EPC1: variants seen among roughly 807,000 people sequenced by gnomAD.
EPC1 encodes the protein enhancer of polycomb 1.
In EPC1, 12 loss-of-function variants were observed where a neutral mutation model predicts 98.4. That is an observed-to-expected ratio of 0.12 (90% CI 0.08 to 0.20). The LOEUF (loss-of-function observed/expected upper bound fraction) is 0.20. Among genes scored for constraint, EPC1 ranks in the 10% least tolerant of loss-of-function variants. EPC1 has a pLI of 1.00. For missense variants in EPC1, 729 were observed against 990.5 expected (o/e 0.74, Z 3.54); for synonymous variants, 357 against 363.9 (o/e 0.98, Z 0.21).
chr10:32,272,383 C>T (rs2132638760), intron 11 of EPC1: 1 of 479,658 alleles, frequency 2.1e-6, no homozygotes, highest in East Asian at 3.3e-5. Context: ...ATAAATTTTG[C>T]TTCATATGTG....
chr10:32,334,474 TCA>T (rs1837835653), intron 1 of EPC1, among the ~76,000 whole-genome samples: 4 of 135,166 alleles, frequency 3.0e-5, no homozygotes, highest in African/African-American at 5.6e-5. Context: ...AAAAAAAAAA[TCA>T]CACTTTATAC....
chr10:32,278,443 A>G (rs2986926), intron 10 of EPC1, among the ~76,000 whole-genome samples: 75,604 of 92,598 alleles, frequency 0.82, 30,856 homozygotes, highest in East Asian at 0.95. Flanking sequence ...GTGCAGTGGC[A>G]GGATCTCGGC....
At chr10:32,361,930 C>A (rs1839454488) in intron 1 of EPC1, among the ~76,000 whole-genome samples, 1 of 152,150 alleles carries the variant, frequency 6.6e-6, no homozygotes, top group Non-Finnish European at 1.5e-5. Flanking sequence ...CTAAAACCAT[C>A]AAAACCAAGA....
At chr10:32,324,327 G>A (rs1227311593) in intron 1 of EPC1, among the ~76,000 whole-genome samples, 2 of 150,868 alleles carry the variant, frequency 1.3e-5, no homozygotes, top group East Asian at 2.0e-4. Flanking sequence ...AGGCCAAGGC[G>A]GGTGGATCGC....
At position 32,346,984 on chromosome 10, in the gene EPC1, G is replaced by T. The variant is rs139607084; in HGVS notation, c.-69C>A. ...GGCCAGCGGGATCATGGAGAACCGG[G>T]GGTTCGGTCCCCACTCGCCAACCGC... On this transcript the variant is annotated 5_prime_UTR_variant, in exon 1 of 14. Transcript: ENST00000319778. 0.013 allele frequency: 21,294 copies of T among 1,584,126 alleles called. 186 individuals carry two copies. Among genetic ancestry groups the T allele is most frequent in the Middle Eastern group, 0.025 (133 of 5,382 alleles).
At chr10:32,316,101 T>C (rs1162310794) in intron 1 of EPC1, among the ~76,000 whole-genome samples, 1 of 152,216 alleles carries the variant, frequency 6.6e-6, no homozygotes, top group Non-Finnish European at 1.5e-5. Flanking sequence ...CCTCAAGTTT[T>C]TGTTTCAATG....
At chr10:32,274,981 T>G (rs1418546789) in intron 10 of EPC1, among the ~76,000 whole-genome samples, 1 of 152,244 alleles carries the variant, frequency 6.6e-6, no homozygotes, top group Admixed American at 6.5e-5. Context: ...TTTAATTTCC[T>G]AAGTTTGAGT....
At chr10:32,319,060 G>C (rs1441079011) in intron 1 of EPC1, among the ~76,000 whole-genome samples, 2 of 152,028 alleles carry the variant, frequency 1.3e-5, no homozygotes, top group Non-Finnish European at 2.9e-5. Context: ...ACATCTATAT[G>C]TACTGTTCCC....
chr10:32,271,726 G>A lies in EPC1; in HGVS notation c.2197C>T (p.Arg733Ter), dbSNP rs1218639286. The A allele has an allele frequency of 6.2e-7, 1 of 1,614,042 alleles. No individual in the cohort carries two copies. The highest frequency in any genetic ancestry group is 8.5e-7 in the Non-Finnish European group (1 of 1,180,040). ...TTQVLIGNNI[R>*]LTVPSSVATV... ...GCAACTGATGAAGGTACAGTTAATCGAATGTTGTTCCCAATCAGAACCTGA... is the reference window on the plus strand; with the variant it reads ...GCAACTGATGAAGGTACAGTTAATCAAATGTTGTTCCCAATCAGAACCTGA... The change falls in exon 13 of 14, where the codon CGA becomes TGA. Residue 733 changes from arginine to a stop codon, truncating the protein, a stop_gained. Coordinates refer to ENST00000319778, the MANE Select transcript of EPC1 (RefSeq NM_001272004.3). LOFTEE classifies it high-confidence loss of function.
chr10:32,279,205 C>T (rs995530554), intron 10 of EPC1, among the ~76,000 whole-genome samples: 7 of 151,950 alleles, frequency 4.6e-5, no homozygotes, highest in Non-Finnish European at 2.9e-5. Context: ...AAAAATTAGC[C>T]AGGCGTGGTG....
chr10:32,312,593 G>A (rs989315609), intron 1 of EPC1, among the ~76,000 whole-genome samples: 9 of 151,888 alleles, frequency 5.9e-5, no homozygotes, highest in Admixed American at 2.0e-4. Flanking sequence ...CCCTACACCT[G>A]CACCCCCAAT....
intron 1 of EPC1, chr10:32,378,346 C>T (rs1839912563): frequency 2.3e-6 from 1 of 443,596 alleles, no homozygotes; most frequent in Non-Finnish European, 3.9e-6. Context: ...TAAAAATTAA[C>T]CAGGCAAGAT....
chr10:32,293,782 C>T (rs1379708574), intron 2 of EPC1, 45 bp from the exon 3 acceptor site: 6 of 1,534,170 alleles, frequency 3.9e-6, no homozygotes, highest in East Asian at 2.3e-5. Context: ...GTGAATTCAC[C>T]GACAAAAACT....
At chr10:32,290,276 GTT>G (rs1296421282) in intron 6 of EPC1, among the ~76,000 whole-genome samples, 6 of 151,804 alleles carry the variant, frequency 4.0e-5, no homozygotes, top group African/African-American at 1.5e-4. Context: ...GAGGTCAGGG[GTT>G]TTGAGACCAG....
chr10:32,374,547 A>C (rs1839833207), intron 1 of EPC1: 1 of 152,166 alleles, frequency 6.6e-6, no homozygotes, highest in Admixed American at 6.5e-5. Context: ...GGTTATATCT[A>C]AAGCTTAAGG....
chr10:32,290,505 A>AAAAAGAAAAAAAG (rs1554819136), intron 6 of EPC1, among the ~76,000 whole-genome samples: 14 of 77,534 alleles, frequency 1.8e-4, no homozygotes, highest in East Asian at 9.3e-4. Context: ...AAAAAAAAAA[A>AAAAAGAAAAAAAG]AAAGAAAGAA....
chr10:32,292,738 A>T, intron 4 of EPC1, 94 bp from the exon 5 acceptor site: 2 of 1,268,764 alleles, frequency 1.6e-6, no homozygotes, highest in Non-Finnish European at 2.1e-6. Flanking sequence ...TGAAGGGTTA[A>T]ATTAGAATTT....
chr10:32,278,370 TG>T (rs1335967944), intron 10 of EPC1, among the ~76,000 whole-genome samples: 173 of 67,978 alleles, frequency 2.5e-3, no homozygotes, highest in Middle Eastern at 0.023. Flanking sequence ...GGTTTTTTTT[TG>T]TTTTTTTTTT....
Position 32,327,062 on chromosome 10 carries a change from GAC to G in EPC1, c.153+19699_153+19700del, listed in dbSNP as rs57395657. 7.7e-3 allele frequency among the ~76,000 whole-genome samples: 1,097 copies of G among 142,326 alleles called. 11 individuals carry two copies. The highest frequency in any genetic ancestry group is 0.025 in the Middle Eastern group (7 of 282). The allele number at this position is 142,326 out of a possible 152,430, so 93.4% of individuals were successfully genotyped here. A position where few individuals can be genotyped will look rare whatever the true frequency, so the allele number is the denominator to read the frequency against. ...AATAGATGAATGAAGAAAATGTGGT[GAC>G]ACACACACACACACACACACACACA... On this transcript the variant is annotated intron_variant, in intron 1 of 13. Coordinates refer to ENST00000319778, the MANE Select transcript of EPC1 (RefSeq NM_001272004.3).
Sources: allele counts gnomAD v4.1 joint callset (sites outside exome capture counted in the v4.1 genomes callset), GRCh38; gene constraint gnomAD v4.1.1; transcripts MANE v1.5; gene names NCBI Gene and HGNC (gene_info 2026-07-23, HGNC 2026-07-21).